Variants in PCSK4 observed in about 807,000 individuals in gnomAD.
PCSK4 encodes the protein testicular tissue protein Li 135.
A neutral mutation model predicts 80.3 loss-of-function variants in PCSK4; 64 were observed. That is an observed-to-expected ratio of 0.80 (90% confidence interval 0.65 to 0.98). The LOEUF (loss-of-function observed/expected upper bound fraction) is 0.98. PCSK4 is among the 50% of genes least tolerant of loss of function. The pLI, the probability that PCSK4 is intolerant of heterozygous loss-of-function variation, is 0.00. For missense variants in PCSK4, 1,213 were observed against 1,093.6 expected, an observed-to-expected ratio of 1.11 and a Z score of -1.54; for synonymous variants, 561 against 487.6, an observed-to-expected ratio of 1.15 and a Z score of -1.98.
intron 13 of PCSK4, 31 bp from the exon 14 acceptor site, chr19:1,482,506 G>A (rs1458715428): frequency 2.5e-6 from 4 of 1,584,684 alleles, no homozygotes; most frequent in South Asian, 1.1e-5. Flanking sequence ...GGCACAGGAG[G>A]AAAAGGAGGC....
intron 8 of PCSK4, among the ~76,000 whole-genome samples, chr19:1,486,446 A>G (rs907293631): frequency 4.0e-5 from 6 of 150,874 alleles, no homozygotes; most frequent in South Asian, 2.1e-4. Context: ...ACAGGCGCCC[A>G]CCACCACGCC....
At position 1,483,353 on chromosome 19, in the gene PCSK4, C is replaced by G. The variant is rs755552820; in HGVS notation, c.1502G>C (p.Ser501Thr). The G allele has an allele frequency of 2.5e-6, 4 of 1,609,940 alleles. No individual in the cohort carries two copies. In the East Asian group the frequency reaches 8.9e-5, roughly 36 times the overall value. ...CGAGATCTCCAGGTCTCCGCGCCGG[C>G]TGTAGGACAGCGTCAGCTGCGCCTG... is the stretch of plus-strand genomic sequence containing the variant. Residue 501 changes from serine to threonine, a missense_variant, in exon 12 of 15, where the codon AGC (serine) becomes ACC (threonine). Ser to Thr is a moderately conservative substitution (Grantham distance 58). Coordinates refer to ENST00000300954, the Ensembl canonical transcript of PCSK4.
At chr19:1,482,157 G>C (rs986784736) in exon 15 of PCSK4, 8 of 1,559,648 alleles carry the variant, frequency 5.1e-6, no homozygotes, top group Non-Finnish European at 6.0e-6. Flanking sequence ...AACCGCGGGG[G>C]GCAGTAGGCC....
chr19:1,482,871 CA>C, intron 13 of PCSK4, 24 bp downstream of exon 13: 2 of 1,596,374 alleles, frequency 1.3e-6, no homozygotes, highest in Non-Finnish European at 1.7e-6. Context: ...AAGCCCCGCC[CA>C]CCACAGCCCC....
Position 1,482,341 on chromosome 19 carries a change from G to GC in PCSK4, c.1819+11dup. On this transcript the variant is annotated intron_variant, in intron 14 of 14. Coordinates refer to ENST00000300954, the Ensembl canonical transcript of PCSK4. ...GCCTCCCAGCAGTGGGCCCTGCCCC[G>GC]CCGGCACTCACCCTGGCACAGCCCC... The GC allele has an allele frequency of 6.5e-7, 1 of 1,538,374 alleles. No homozygotes were observed. Among genetic ancestry groups the GC allele is most frequent in the Non-Finnish European group, 8.7e-7 (1 of 1,146,780 alleles).
intron 2 of PCSK4, among the ~76,000 whole-genome samples, chr19:1,489,292 C>T (rs996711575): frequency 7.9e-5 from 12 of 152,118 alleles, no homozygotes; most frequent in African/African-American, 2.9e-4. Flanking sequence ...CCACCATGCC[C>T]GGCTAATTTT....
exon 15 of PCSK4, chr19:1,481,586 C>G (rs1455277224): frequency 6.7e-5 from 33 of 495,728 alleles, no homozygotes; most frequent in Non-Finnish European, 3.5e-6. Context: ...GCAGAGGAGA[C>G]TTCTCTCTCT....
intron 8 of PCSK4, among the ~76,000 whole-genome samples, chr19:1,486,262 C>T (rs948811175): frequency 6.6e-6 from 1 of 151,964 alleles, no homozygotes; most frequent in African/African-American, 2.4e-5. Context: ...CAGGCGCGAG[C>T]CACTGTGCTT....
exon 2 of PCSK4, chr19:1,489,862 G>A: frequency 6.2e-7 from 1 of 1,610,396 alleles, no homozygotes; most frequent in Non-Finnish European, 8.5e-7. Context: ...CCACGCCCCG[G>A]TGCCGCAGGT....
At chr19:1,481,858 G>A in exon 15 of PCSK4, 2 of 1,583,268 alleles carry the variant, frequency 1.3e-6, no homozygotes, top group Non-Finnish European at 1.7e-6. Flanking sequence ...TGCCGCAGAG[G>A]ACGGGGCCTC....
chr19:1,487,337 C>CGCT, intron 6 of PCSK4, 24 bp from the exon 7 acceptor site: 1 of 1,553,022 alleles, frequency 6.4e-7, no homozygotes, highest in Non-Finnish European at 8.7e-7. Context: ...GCGGGAGGGC[C>CGCT]GCTGCCACCG....
chr19:1,482,357 G>A, exon 14 of PCSK4: 1 of 1,541,222 alleles, frequency 6.5e-7, no homozygotes. Context: ...ACTCACCCTG[G>A]CACAGCCCCT....
chr19:1,489,248 A>C (rs791465), intron 2 of PCSK4, among the ~76,000 whole-genome samples: 69,120 of 151,150 alleles, frequency 0.46, 17,831 homozygotes, highest in African/African-American at 0.72. Flanking sequence ...TCTCCTGCCT[A>C]AGCCTCCTGA....
chr19:1,482,701 G>GT (rs2084363955), intron 13 of PCSK4, 195 bp downstream of exon 13: 1 of 751,230 alleles, frequency 1.3e-6, no homozygotes, highest in African/African-American at 1.8e-5. Context: ...CATCTCCCGT[G>GT]TTACCGCACA....
rs754122721 is a variant in PCSK4, at chr19:1,481,824, C to A, written c.2203G>T (p.Ala735Ser). 16 of 1,544,354 alleles carry A rather than the reference C, an allele frequency of 1.0e-5. No individual in the cohort carries two copies. The highest frequency in any genetic ancestry group is 1.8e-4 in the Middle Eastern group (1 of 5,666). The change falls in exon 15 of 15, where the codon GCC becomes TCC. Residue 735 changes from alanine to serine, a missense_variant. By Grantham distance (99) the Ala-to-Ser change is moderately conservative (BLOSUM62 1). Coordinates refer to ENST00000300954, the Ensembl canonical transcript of PCSK4. ...GTGGCCCTGGCACGGGAGAGCCAGG[C>A]GTATAGTGGGAGGTCCATGGACATG...
At chr19:1,489,381 G>A (rs961289564) in intron 2 of PCSK4, among the ~76,000 whole-genome samples, 5 of 152,100 alleles carry the variant, frequency 3.3e-5, no homozygotes, top group South Asian at 2.1e-4. Flanking sequence ...TGATCCGACC[G>A]CCTCCGCCTC....
chr19:1,482,156 G>A (rs867904640), exon 15 of PCSK4: 9 of 1,559,784 alleles, frequency 5.8e-6, no homozygotes, highest in African/African-American at 2.7e-5. Context: ...GAACCGCGGG[G>A]GGCAGTAGGC....
chr19:1,487,227 C>T (rs745417815), exon 7 of PCSK4: 28 of 1,606,984 alleles, frequency 1.7e-5, no homozygotes, highest in East Asian at 2.2e-5. Flanking sequence ...CCCCAGCTGG[C>T]GCTGTAAATG....
chr19:1,490,784 C>T (rs1032058750), upstream of PCSK4: 11 of 190,478 alleles, frequency 5.8e-5, no homozygotes, highest in African/African-American at 1.2e-4. Flanking sequence ...CCTACCATTC[C>T]GCCCTGCCTC....
Sources: allele counts gnomAD v4.1 joint callset (sites outside exome capture counted in the v4.1 genomes callset), GRCh38; gene constraint gnomAD v4.1.1; transcripts MANE v1.5; gene names NCBI Gene and HGNC (gene_info 2026-07-23, HGNC 2026-07-21).